The following EFCAB11 variants were observed in gnomAD, a reference collection of about 807,000 sequenced individuals.
The protein encoded by EFCAB11 is EF-hand calcium-binding domain-containing protein 11.
A neutral mutation model predicts 23.0 loss-of-function variants in EFCAB11; 14 were observed. The observed-to-expected ratio is 0.61, with a 90% CI of 0.40 to 0.95. EFCAB11 has a LOEUF of 0.95. Among genes scored for constraint, EFCAB11 ranks in the 40% least tolerant of loss-of-function variants. The pLI is 0.00. For missense variants in EFCAB11, 198 were observed against 195.8 expected, an observed-to-expected ratio of 1.01 and a Z score of -0.07; for synonymous variants, 65 against 66.6, an observed-to-expected ratio of 0.98 and a Z score of 0.11.
At chr14:89,845,021 A>G (rs534748540) in intron 5 of EFCAB11, among the ~76,000 whole-genome samples, 1 of 152,368 alleles carries the variant, frequency 6.6e-6, no homozygotes, top group African/African-American at 2.4e-5. Flanking sequence ...GTTTAGGAAT[A>G]TATCTAACAT....
chr14:89,881,382 C>T (rs1888590716), intron 5 of EFCAB11, among the ~76,000 whole-genome samples: 2 of 139,684 alleles, frequency 1.4e-5, no homozygotes, highest in East Asian at 4.2e-4. Context: ...CCACTCTCTA[C>T]CCATCAATAA....
chr14:89,899,219 T>G (rs1420287588), intron 5 of EFCAB11, among the ~76,000 whole-genome samples: 4 of 152,278 alleles, frequency 2.6e-5, no homozygotes, highest in African/African-American at 4.8e-5. Context: ...GGCTAAAAAA[T>G]CATAATTTAA....
chr14:89,828,806 A>G (rs1886791541), intron 5 of EFCAB11, among the ~76,000 whole-genome samples: 1 of 152,198 alleles, frequency 6.6e-6, no homozygotes, highest in Admixed American at 6.5e-5. Context: ...AGATCCATAT[A>G]CAGTTGGGGA....
At chr14:89,910,326 A>G (rs1889637117) in intron 5 of EFCAB11, among the ~76,000 whole-genome samples, 1 of 152,106 alleles carries the variant, frequency 6.6e-6, no homozygotes, top group Non-Finnish European at 1.5e-5. Context: ...GACCGGGTGC[A>G]GTGGCTCACG....
intron 5 of EFCAB11, among the ~76,000 whole-genome samples, chr14:89,817,276 G>A (rs1012569101): frequency 3.3e-5 from 5 of 152,124 alleles, no homozygotes; most frequent in Non-Finnish European, 7.3e-5. Flanking sequence ...AGTGCTTTGG[G>A]AGGCCAAGGG....
chr14:89,916,457 T>C (rs575042624), intron 5 of EFCAB11, among the ~76,000 whole-genome samples: 8 of 152,220 alleles, frequency 5.3e-5, no homozygotes, highest in Non-Finnish European at 1.0e-4. Flanking sequence ...TAAATCGCTA[T>C]ACAAATGTGT....
intron 5 of EFCAB11, among the ~76,000 whole-genome samples, chr14:89,855,236 G>A (rs1474844297): frequency 2.0e-5 from 3 of 151,920 alleles, no homozygotes; most frequent in Admixed American, 6.5e-5. Context: ...AGCACTTTGG[G>A]AGGCAGAGGC....
intron 5 of EFCAB11, among the ~76,000 whole-genome samples, chr14:89,828,589 G>C (rs1041027670): frequency 6.6e-6 from 1 of 152,062 alleles, no homozygotes; most frequent in Non-Finnish European, 1.5e-5. Context: ...CATAGTGTTC[G>C]GTTTTTTGTA....
intron 5 of EFCAB11, chr14:89,924,307 C>G (rs1184833178): frequency 1.9e-6 from 2 of 1,055,648 alleles, no homozygotes; most frequent in African/African-American, 3.4e-5. Context: ...CGTCTCCAGT[C>G]ATGATGGGAG....
At chr14:89,876,454 A>G (rs1888440880) in intron 5 of EFCAB11, among the ~76,000 whole-genome samples, 1 of 152,170 alleles carries the variant, frequency 6.6e-6, no homozygotes, top group Admixed American at 6.5e-5. Context: ...TTTCTATTCA[A>G]AATGTGCACA....
rs531521930 is a variant in EFCAB11 at position 89,830,604 on chromosome 14, C to T, written c.411-33280G>A. 3.9e-5 allele frequency: 6 copies of T among 152,318 alleles called. No homozygotes were observed. In the South Asian group the frequency reaches 6.2e-4, roughly 16 times the overall value. The allele number at this position is 152,318 out of a possible 1,614,324, so 9.4% of individuals were successfully genotyped here. ...AGGATGTAATATAAAACGAGCCTTT[C>T]CTTCAATATATATCCCTTTGAAAAG... On this transcript the variant is annotated intron_variant, in intron 5 of 5. Transcript: ENST00000316738.
chr14:89,950,572 T>A (rs1044037015), intron 2 of EFCAB11, among the ~76,000 whole-genome samples: 1 of 152,092 alleles, frequency 6.6e-6, no homozygotes, highest in African/African-American at 2.4e-5. Context: ...ATACAAAAAA[T>A]TATGAAGAAA....
Position 89,954,648 on chromosome 14 carries a change from CGGA to C in EFCAB11, c.10_12del (p.Ser4del). 1 of 1,612,526 alleles carries C rather than the reference CGGA, an allele frequency of 6.2e-7. No homozygotes were observed. Among genetic ancestry groups the C allele is most frequent in the South Asian group, 1.1e-5 (1 of 90,978 alleles). ...CACGTCCGCGACCTGGCTCTGGCCTCGGAGAAGAACATCGCGACTACAACAACC... is the reference window on the plus strand; with the variant it reads ...CACGTCCGCGACCTGGCTCTGGCCTCGAAGAACATCGCGACTACAACAACC... On this transcript the variant is annotated inframe_deletion, in exon 1 of 6. Transcript: ENST00000316738.
At chr14:89,944,870 A>G (rs1015758255) in intron 3 of EFCAB11, among the ~76,000 whole-genome samples, 1 of 149,514 alleles carries the variant, frequency 6.7e-6, no homozygotes, top group Non-Finnish European at 1.5e-5. Context: ...TAAATCTAAT[A>G]AAATATTAGA....
At chr14:89,870,293 C>T (rs932097112) in intron 5 of EFCAB11, among the ~76,000 whole-genome samples, 1 of 152,188 alleles carries the variant, frequency 6.6e-6, no homozygotes, top group African/African-American at 2.4e-5. Flanking sequence ...GATCTATCTA[C>T]TATCTAAGAA....
At chr14:89,917,053 C>CGTGTGTGTGTGTGTGTGTGT (rs71107570) in intron 5 of EFCAB11, among the ~76,000 whole-genome samples, 1 of 136,628 alleles carries the variant, frequency 7.3e-6, no homozygotes. Context: ...TGACATGCTT[C>CGTGTGTGTGTGTGTGTGTGT]GTGTGTGTGT....
intron 5 of EFCAB11, among the ~76,000 whole-genome samples, chr14:89,912,751 A>G (rs1889719549): frequency 6.6e-6 from 1 of 152,240 alleles, no homozygotes; most frequent in Non-Finnish European, 1.5e-5. Flanking sequence ...GCAGTTGCTT[A>G]AGAAACGGGA....
intron 5 of EFCAB11, among the ~76,000 whole-genome samples, chr14:89,893,448 G>A (rs1325700054): frequency 6.6e-6 from 1 of 152,088 alleles, no homozygotes; most frequent in African/African-American, 2.4e-5. Flanking sequence ...TTTCTGGCTG[G>A]GGAACCCATC....
intron 5 of EFCAB11, among the ~76,000 whole-genome samples, chr14:89,927,475 T>C (rs1890230299): frequency 6.6e-6 from 1 of 151,816 alleles, no homozygotes; most frequent in Admixed American, 6.6e-5. Context: ...AAGAAACCCA[T>C]ACATGCTAGT....
Sources: gnomAD v4.1 joint callset for allele counts (sites outside exome capture counted in the v4.1 genomes callset) on GRCh38, gnomAD v4.1.1 for gene constraint, MANE v1.5 for transcripts, NCBI Gene and HGNC (gene_info 2026-07-23, HGNC 2026-07-21) for gene names.